SNX19: variants seen among roughly 807,000 people sequenced by gnomAD.
SNX19 encodes sorting nexin 19, also known as sorting nexin-19.
In SNX19, 60 loss-of-function variants were observed where a neutral mutation model predicts 85.2. The ratio of observed to expected loss-of-function variants is 0.70; its 90% confidence interval spans 0.57 to 0.87. The LOEUF is 0.87. Ranked by LOEUF, SNX19 falls within the 40% of genes least tolerant of loss-of-function variation. SNX19 has a pLI of 0.00. For synonymous variants in SNX19, 520 were observed against 470.0 expected, an observed-to-expected ratio of 1.11 and a Z score of -1.38; for missense variants, 1,201 against 1,217.8, an observed-to-expected ratio of 0.99 and a Z score of 0.21.
At chr11:130,891,559 C>T (rs1485270796) in intron 8 of SNX19, among the ~76,000 whole-genome samples, 2 of 152,164 alleles carry the variant, frequency 1.3e-5, no homozygotes, top group East Asian at 3.8e-4. Flanking sequence ...CTATGAGTCA[C>T]ACTTGTATTT....
intron 8 of SNX19, among the ~76,000 whole-genome samples, chr11:130,887,271 G>A (rs1352268475): frequency 6.6e-6 from 1 of 152,038 alleles, no homozygotes; most frequent in Non-Finnish European, 1.5e-5. Flanking sequence ...CTTAAGGAAG[G>A]AACTTCAAAA....
chr11:130,880,730 T>A lies in SNX19; in HGVS notation c.2650A>T (p.Ile884Phe), dbSNP rs773483188. 6.2e-7 allele frequency: 1 copy of A among 1,612,236 alleles called. No homozygotes were observed. The highest frequency in any genetic ancestry group is 1.3e-5 in the African/African-American group (1 of 74,906). ...TTAGGCAAAACTCCACCAGGCCAGA[T>A]GGACTCCTGAAGAAGCAGGAGGTAC... is the stretch of plus-strand genomic sequence containing the variant. ...VQYLLLLQES[I>F]WPGGVLPKFP... The change falls in exon 9 of 11, where the codon ATC becomes TTC. Residue 884 changes from isoleucine (I) to phenylalanine (F), a missense_variant. Ile to Phe is a conservative substitution (Grantham distance 21). Transcript: ENST00000265909.
At position 130,915,674 on chromosome 11, in the gene SNX19, G is replaced by A. The variant is rs1946522930; in HGVS notation, c.266C>T (p.Pro89Leu). Residue 89 changes from proline (P) to leucine (L), a missense_variant, in exon 1 of 11, where the codon CCT (proline) becomes CTT (leucine). Pro to Leu is a moderately conservative substitution (Grantham distance 98). Around this residue, in one of 3 missense-constraint regions of SNX19, gnomAD observed 791 missense variants for 750.9 expected, o/e 1.05. Transcript: ENST00000265909. ...CTGCCTTTCTGCCTCAGGGCATGGAGGACAGGTGGCCAACGGGATGAAGCG... is the reference window on the plus strand; with the variant it reads ...CTGCCTTTCTGCCTCAGGGCATGGAAGACAGGTGGCCAACGGGATGAAGCG... Reference protein sequence around the residue: ...LERFIPLATCPPCPEAERQLE... With the variant: ...LERFIPLATCLPCPEAERQLE... 1.2e-6 allele frequency: 2 copies of A among 1,614,130 alleles called. No homozygotes were observed. Among genetic ancestry groups the A allele is most frequent in the South Asian group, 1.1e-5 (1 of 91,092 alleles).
rs1334634255 is a variant in SNX19, at chr11:130,867,373, A to T, written c.*11049T>A. 1.3e-5 allele frequency: 2 copies of T among 152,226 alleles called. No individual in the cohort carries two copies. Among genetic ancestry groups the T allele is most frequent in the Non-Finnish European group, 2.9e-5 (2 of 68,044 alleles). The allele number at this position is 152,226 out of a possible 1,614,324, so 9.4% of individuals were successfully genotyped here. On this transcript the variant is annotated 3_prime_UTR_variant, in exon 11 of 11. Transcript: ENST00000265909. ...CTGATGGGAAACGCTCTGGGACATG[A>T]ACATAAAAGTGCAACCTAGATGATC... is the stretch of plus-strand genomic sequence containing the variant.
rs1363784945 is a variant in SNX19 at position 130,877,988 on chromosome 11, T to C, written c.*434A>G. 6.5e-6 allele frequency: 1 copy of C among 152,910 alleles called. No homozygotes were observed. Among genetic ancestry groups the C allele is most frequent in the Non-Finnish European group, 1.5e-5 (1 of 68,596 alleles). 9.5% of individuals were successfully genotyped at this position (152,910 alleles called of 1,614,324 possible). ...GGTAGGAACAGAGAGCTGAGAAGGT[T>C]GTTTTCTCCTCCAAGGAAATCTGGC... is the stretch of plus-strand genomic sequence containing the variant. On this transcript the variant is annotated 3_prime_UTR_variant, in exon 11 of 11. Coordinates refer to ENST00000265909, the MANE Select transcript of SNX19 (RefSeq NM_014758.3).
At position 130,878,417 on chromosome 11, in the gene SNX19, A is replaced by T. The variant is rs775269818; in HGVS notation, c.*5T>A. The T allele has an allele frequency of 1.2e-6, 2 of 1,612,932 alleles. No homozygotes were observed. Among genetic ancestry groups the T allele is most frequent in the Non-Finnish European group, 1.7e-6 (2 of 1,179,398 alleles). ...CTGACCTGGGAAGAAGGCGTGAATA[A>T]CCAGCTAAGAGGAGACACCCATCCT... On this transcript the variant is annotated 3_prime_UTR_variant, in exon 11 of 11. Coordinates refer to ENST00000265909, the MANE Select transcript of SNX19 (RefSeq NM_014758.3).
Position 130,914,273 on chromosome 11 carries a change from GTA to G in SNX19, c.1665_1666del (p.Thr556CysfsTer8). On this transcript the variant is annotated frameshift_variant, in exon 1 of 11. Coordinates refer to ENST00000265909, the MANE Select transcript of SNX19 (RefSeq NM_014758.3). LOFTEE classifies it high-confidence loss of function. Reference sequence around the variant, plus strand: ...CAGCTTTAATCCTGTTACCTTCACAGTATAGAGTGTGTATGGGTGGAATCCAG... The same window carrying G: ...CAGCTTTAATCCTGTTACCTTCACAGTAGAGTGTGTATGGGTGGAATCCAG... 1.3e-6 allele frequency: 2 copies of G among 1,576,798 alleles called. No individual in the cohort carries two copies. Among genetic ancestry groups the G allele is most frequent in the Non-Finnish European group, 1.7e-6 (2 of 1,160,612 alleles).
chr11:130,878,345 G>T lies in SNX19; in HGVS notation c.*77C>A. 6.5e-7 allele frequency: 1 copy of T among 1,530,054 alleles called. No individual in the cohort carries two copies. The highest frequency in any genetic ancestry group is 2.3e-5 in the East Asian group (1 of 44,030). 94.8% of individuals were successfully genotyped at this position (1,530,054 alleles called of 1,614,324 possible). ...CTTAGCTGTAGCCTACTTGAAGAGG[G>T]CACGGGCTTCCTGACTGGTCTCTGG... is the stretch of plus-strand genomic sequence containing the variant. On this transcript the variant is annotated 3_prime_UTR_variant, in exon 11 of 11. Coordinates refer to ENST00000265909, the MANE Select transcript of SNX19 (RefSeq NM_014758.3).
intron 10 of SNX19, 126 bp from the exon 11 acceptor site, chr11:130,878,680 T>C: frequency 8.5e-7 from 1 of 1,177,236 alleles, no homozygotes; most frequent in Non-Finnish European, 1.2e-6. Flanking sequence ...ATGAAACCTC[T>C]GCCATGAAAT....
In SNX19 at chr11:130,914,424, A is replaced by G; in HGVS notation, c.1516T>C (p.Ser506Pro). ...PTLPPVLLSS[S>P]PPGPLSSATF... ...GCTGAGCTGAGAGGACCAGGTGGAG[A>G]GGAGGAAAGCAGAACTGGTGGCAGA... Residue 506 changes from serine to proline, a missense_variant, in exon 1 of 11, where the codon TCT (serine) becomes CCT (proline). Around this residue, in one of 3 missense-constraint regions of SNX19, gnomAD observed 791 missense variants for 750.9 expected, o/e 1.05. Coordinates refer to ENST00000265909, the MANE Select transcript of SNX19 (RefSeq NM_014758.3). 1 of 1,613,876 alleles carries G rather than the reference A, an allele frequency of 6.2e-7. No homozygotes were observed. Among genetic ancestry groups the G allele is most frequent in the Non-Finnish European group, 8.5e-7 (1 of 1,179,840 alleles).
chr11:130,872,456 CT>C lies in SNX19; in HGVS notation c.*5965del, dbSNP rs531687709. ...CAATTAAAACATTCTTCTGGATTTCCTTTTTTTTTTTCTCTCTTAAACCAGT... is the reference window on the plus strand; with the variant it reads ...CAATTAAAACATTCTTCTGGATTTCCTTTTTTTTTTCTCTCTTAAACCAGT... On this transcript the variant is annotated 3_prime_UTR_variant, in exon 11 of 11. Coordinates refer to ENST00000265909, the MANE Select transcript of SNX19 (RefSeq NM_014758.3). 4.4e-4 allele frequency among the ~76,000 whole-genome samples: 65 copies of C among 147,360 alleles called. No individual in the cohort carries two copies. The highest frequency in any genetic ancestry group is 3.4e-3 in the South Asian group (16 of 4,656).
intron 8 of SNX19, among the ~76,000 whole-genome samples, chr11:130,886,371 C>T (rs145736293): frequency 1.2e-4 from 19 of 152,176 alleles, no homozygotes; most frequent in Middle Eastern, 3.4e-3. Flanking sequence ...TGGGCTGCAA[C>T]GTACAATGCA....
intron 8 of SNX19, among the ~76,000 whole-genome samples, chr11:130,897,193 C>T (rs1209715689): frequency 6.6e-6 from 1 of 152,004 alleles, no homozygotes; most frequent in Non-Finnish European, 1.5e-5. Flanking sequence ...CTCCTGGGTG[C>T]CCTGCTTGTT....
In SNX19 at chr11:130,871,072, G is replaced by A. The variant is rs4936123; in HGVS notation, c.*7350C>T. 0.46 allele frequency among the ~76,000 whole-genome samples: 70,514 copies of A among 151,876 alleles called. 16,654 individuals carry two copies. The highest frequency in any genetic ancestry group is 0.64 in the South Asian group (3,071 of 4,820). On this transcript the variant is annotated 3_prime_UTR_variant, in exon 11 of 11. Coordinates refer to ENST00000265909, the MANE Select transcript of SNX19 (RefSeq NM_014758.3). The stretch of plus-strand genomic sequence containing the variant: ...CTACTTGCCCAGCTGGAGAAGAGAA[G>A]GTAATCTACCACGTGGAAGGAAGGA...
intron 8 of SNX19, among the ~76,000 whole-genome samples, chr11:130,885,559 G>A (rs968505032): frequency 6.6e-6 from 1 of 152,198 alleles, no homozygotes; most frequent in African/African-American, 2.4e-5. Context: ...GTGAGAAAGG[G>A]TCTTGAATCA....
intron 7 of SNX19, 124 bp downstream of exon 7, chr11:130,905,829 T>C: frequency 6.4e-7 from 1 of 1,559,732 alleles, no homozygotes; most frequent in Admixed American, 1.9e-5. Flanking sequence ...ACACTGGAGT[T>C]CAACACATGG....
Position 130,914,991 on chromosome 11 carries a change from T to G in SNX19, c.949A>C (p.Ser317Arg). 1 of 1,614,186 alleles carries G rather than the reference T, an allele frequency of 6.2e-7. No homozygotes were observed. The highest frequency in any genetic ancestry group is 1.1e-5 in the South Asian group (1 of 91,084). The change falls in exon 1 of 11, where the codon AGT becomes CGT. Residue 317 changes from serine (S) to arginine (R), a missense_variant. Ser to Arg is a moderately radical substitution (Grantham distance 110, BLOSUM62 -1). This residue lies in a region of SNX19 where 791 missense variants were observed against 750.9 expected (regional missense o/e 1.05). Coordinates refer to ENST00000265909, the MANE Select transcript of SNX19 (RefSeq NM_014758.3). Reference protein sequence around the residue: ...PVAAPVFLSYSEPEGSAGPSP... With the variant: ...PVAAPVFLSYREPEGSAGPSP... The stretch of plus-strand genomic sequence containing the variant: ...GGGCCTGCAGAACCCTCTGGCTCAC[T>G]GTAACTTAGGAATACTGGGGCTGCT...
chr11:130,892,295 C>T (rs1369256161), intron 8 of SNX19, among the ~76,000 whole-genome samples: 1 of 151,818 alleles, frequency 6.6e-6, no homozygotes, highest in Middle Eastern at 3.4e-3. Flanking sequence ...CACTGAAAAG[C>T]GACAGACAGG....
chr11:130,883,626 C>A (rs1943845718), intron 8 of SNX19, among the ~76,000 whole-genome samples: 1 of 152,166 alleles, frequency 6.6e-6, no homozygotes, highest in Non-Finnish European at 1.5e-5. Context: ...TAAACATTTG[C>A]TCTCTTTCCT....
Sources: allele counts gnomAD v4.1 joint callset (sites outside exome capture counted in the v4.1 genomes callset), GRCh38; gene constraint gnomAD v4.1.1; regional missense constraint gnomAD v4.1.1; transcripts MANE v1.5; gene names NCBI Gene and HGNC (gene_info 2026-07-23, HGNC 2026-07-21).